LAMB3: variants seen among roughly 807,000 people sequenced by gnomAD.
LAMB3 encodes the protein laminin subunit beta-3.
A neutral mutation model predicts 140.3 loss-of-function variants in LAMB3; 104 were observed. The observed-to-expected ratio is 0.74, with a 90% CI of 0.63 to 0.87. The LOEUF (loss-of-function observed/expected upper bound fraction) is 0.87, where lower values mean the gene tolerates loss of function less well. LAMB3 is among the 40% of genes least tolerant of loss of function. The pLI, the probability that LAMB3 is intolerant of heterozygous loss-of-function variation, is 0.00. For synonymous variants in LAMB3, 592 were observed against 602.9 expected, an observed-to-expected ratio of 0.98 and a Z score of 0.26; for missense variants, 1,531 against 1,575.2, an observed-to-expected ratio of 0.97 and a Z score of 0.47.
chr1:209,632,802 G>A (rs765553073), intron 7 of LAMB3, 26 bp from the exon 8 acceptor site: 6 of 1,604,708 alleles, frequency 3.7e-6, no homozygotes, highest in Admixed American at 1.7e-5. Flanking sequence ...AGCAAGGAGG[G>A]AAGAGTTGGA....
At position 209,615,177 on chromosome 1, in the gene LAMB3, G is replaced by T. The variant is rs1665905688; in HGVS notation, c.*94C>A. The T allele has an allele frequency of 3.2e-6, 5 of 1,540,544 alleles. No homozygotes were observed. The highest frequency in any genetic ancestry group is 4.5e-6 in the Non-Finnish European group (5 of 1,120,632). On this transcript the variant is annotated 3_prime_UTR_variant, in exon 23 of 23. Coordinates refer to ENST00000356082, the MANE Select transcript of LAMB3 (RefSeq NM_000228.3). ...AGGCTGTACTTTAGGCTGCATGAAAGTCTCCTGGAGATGGAAAGCATTCCA... is the reference window on the plus strand; with the variant it reads ...AGGCTGTACTTTAGGCTGCATGAAATTCTCCTGGAGATGGAAAGCATTCCA...
intron 5 of LAMB3, among the ~76,000 whole-genome samples, chr1:209,635,023 C>T (rs188240902): frequency 2.6e-5 from 4 of 152,040 alleles, no homozygotes; most frequent in African/African-American, 9.6e-5. Context: ...AAACCACATT[C>T]CCCACTCACC....
intron 14 of LAMB3, among the ~76,000 whole-genome samples, chr1:209,624,371 T>A (rs145060536): frequency 0.018 from 2,794 of 152,216 alleles, 56 homozygotes; most frequent in South Asian, 0.043. Context: ...AGCTCCAAAA[T>A]CTCTTCCACA....
At position 209,649,956 on chromosome 1, in the gene LAMB3, G is replaced by A. The variant is rs757259426; in HGVS notation, c.183+8C>T. 1.2e-6 allele frequency: 2 copies of A among 1,614,116 alleles called. No homozygotes were observed. The highest frequency in any genetic ancestry group is 1.7e-5 in the Admixed American group (1 of 60,030). On this transcript the variant is annotated splice_region_variant and intron_variant, in intron 3 of 22. Transcript: ENST00000356082. ...CGCCTTCCTCCAGTCCTGGGAAGTA[G>A]GGCCTACCTCGCCATACTGGGTGCA...
At chr1:209,642,974 G>C (rs1456573514) in intron 3 of LAMB3, among the ~76,000 whole-genome samples, 1 of 152,212 alleles carries the variant, frequency 6.6e-6, no homozygotes, top group Non-Finnish European at 1.5e-5. Flanking sequence ...GGCAGGATCA[G>C]ATGGCATCAT....
rs762673892 is a variant in LAMB3 at position 209,623,580 on chromosome 1, G to T, written c.2283C>A (p.Gly761=). The T allele has an allele frequency of 6.2e-7, 1 of 1,614,108 alleles. No homozygotes were observed. Among genetic ancestry groups the T allele is most frequent in the Admixed American group, 1.7e-5 (1 of 60,018 alleles). The change falls in exon 16 of 23, where the codon GGC becomes GGA. Residue 761 remains glycine, a synonymous_variant. Transcript: ENST00000356082. The surrounding 1 kb of genome is among the most constrained non-coding windows in gnomAD (Gnocchi z 4.2). The part of the protein sequence containing the change: ...RLVRQAGGGG[G]TGSPKLVALR... ...GGGCCACAAGCTTGGGGCTGCCGGT[G>T]CCTCCTCCTCCTCCCGCCTGCCGCA...
chr1:209,638,667 G>A lies in LAMB3; in HGVS notation c.184-19C>T. 3.9e-6 allele frequency: 6 copies of A among 1,531,096 alleles called. No homozygotes were observed. The South Asian group carries it at 6.7e-5, about 17-fold the overall frequency. The allele number at this position is 1,531,096 out of a possible 1,614,324, so 94.8% of individuals were successfully genotyped here. ...TCTGCCACTGTGGGAGAGGGAGATA[G>A]CAGACACTCAGAGGTGGGGTCCTGA... On this transcript the variant is annotated intron_variant, in intron 3 of 22. Transcript: ENST00000356082.
Position 209,627,382 on chromosome 1 carries a change from C to T in LAMB3, c.1485+1G>A. 1 of 1,610,530 alleles carries T rather than the reference C, an allele frequency of 6.2e-7. No homozygotes were observed. Among genetic ancestry groups the T allele is most frequent in the African/African-American group, 1.3e-5 (1 of 74,964 alleles). On this transcript the variant is annotated splice_donor_variant, in intron 12 of 22. Coordinates refer to ENST00000356082, the MANE Select transcript of LAMB3 (RefSeq NM_000228.3). LOFTEE classifies it high-confidence loss of function. The stretch of plus-strand genomic sequence containing the variant: ...GCCCCCGGACCACCCTCACTTCGTA[C>T]CTGGTTGCACTGTGGGCTGAGGGAG...
rs533510172 is a variant in LAMB3, at chr1:209,634,443, C to T, written c.564+4G>A. The T allele has an allele frequency of 3.7e-6, 6 of 1,613,890 alleles. No homozygotes were observed. Among genetic ancestry groups the T allele is most frequent in the South Asian group, 2.2e-5 (2 of 91,080 alleles). On this transcript the variant is annotated splice_donor_region_variant and intron_variant, in intron 6 of 22. Coordinates refer to ENST00000356082, the MANE Select transcript of LAMB3 (RefSeq NM_000228.3). ...GCCTACTTTTCAGGATTCCCTCTACCTACCTTCCCCCCATTTAGGCGTGCA... is the reference window on the plus strand; with the variant it reads ...GCCTACTTTTCAGGATTCCCTCTACTTACCTTCCCCCCATTTAGGCGTGCA...
chr1:209,620,214 T>C (rs989298234), intron 18 of LAMB3, among the ~76,000 whole-genome samples: 2 of 151,898 alleles, frequency 1.3e-5, no homozygotes, highest in Admixed American at 6.6e-5. Context: ...ATGGGAGGAG[T>C]TGAGACTGCA....
intron 3 of LAMB3, among the ~76,000 whole-genome samples, chr1:209,639,863 G>A (rs923776108): frequency 1.1e-4 from 17 of 152,162 alleles, no homozygotes; most frequent in African/African-American, 4.1e-4. Context: ...GTCCTTCTGG[G>A]TAGGGAAAAC....
At chr1:209,630,830 C>G (rs759155456) in intron 8 of LAMB3, 95 bp from the exon 9 acceptor site, 75 of 1,425,708 alleles carry the variant, frequency 5.3e-5, no homozygotes, top group Middle Eastern at 4.8e-4. Flanking sequence ...GCGCACCACT[C>G]AGGATCTGGC....
At chr1:209,618,074 G>A in intron 19 of LAMB3, 26 bp from the exon 20 acceptor site, 1 of 1,613,930 alleles carries the variant, frequency 6.2e-7, no homozygotes, top group Admixed American at 1.7e-5. Flanking sequence ...AGCAGGGAGA[G>A]GAGAGAGAGA....
chr1:209,617,888 G>A lies in LAMB3; in HGVS notation c.3051+19C>T, dbSNP rs1666033224. On this transcript the variant is annotated intron_variant, in intron 20 of 22. Coordinates refer to ENST00000356082, the MANE Select transcript of LAMB3 (RefSeq NM_000228.3). ...CTGTTTATGCCCAAATATGGGCGGA[G>A]GAAGCCATAATGCCTCACCTCAGCA... The A allele has an allele frequency of 3.1e-6, 5 of 1,614,156 alleles. No individual in the cohort carries two copies. Among genetic ancestry groups the A allele is most frequent in the East Asian group, 2.2e-5 (1 of 44,872 alleles).
rs372985506 is a variant in LAMB3 at position 209,634,608 on chromosome 1, G to A, written c.403C>T (p.Arg135Cys). ...CAGGTCTTACCGAAGTCTGAGGAGC[G>A]CTCAATCAGCATGCCGGCGGGCATG... ...GPMPAGMLIE[R>C]SSDFGKTWRV... Residue 135 changes from arginine (R) to cysteine (C), a missense_variant, in exon 6 of 23, where the codon CGC (arginine) becomes TGC (cysteine). Coordinates refer to ENST00000356082, the MANE Select transcript of LAMB3 (RefSeq NM_000228.3). The A allele has an allele frequency of 1.2e-5, 19 of 1,613,876 alleles. No individual in the cohort carries two copies. The highest frequency in any genetic ancestry group is 4.4e-5 in the South Asian group (4 of 91,066).
rs142875311 is a variant in LAMB3, at chr1:209,633,473, G to A, written c.565-340C>T. On this transcript the variant is annotated intron_variant, in intron 6 of 22. Coordinates refer to ENST00000356082, the MANE Select transcript of LAMB3 (RefSeq NM_000228.3). ...TACTAATTTTCTGATGACTCAGGAT[G>A]AGTGAGAAATCTAAAACCCAAGGAT... 5.1e-3 allele frequency among the ~76,000 whole-genome samples: 783 copies of A among 152,246 alleles called. 6 individuals carry two copies. The highest frequency in any genetic ancestry group is 0.017 in the African/African-American group (715 of 41,542).
In LAMB3 at chr1:209,617,366, C is replaced by A. The variant is rs562768610; in HGVS notation, c.3228+44G>T. 1.1e-5 allele frequency: 17 copies of A among 1,596,952 alleles called. No individual in the cohort carries two copies. In the South Asian group the frequency reaches 1.8e-4, roughly 17 times the overall value. On this transcript the variant is annotated intron_variant, in intron 21 of 22. Coordinates refer to ENST00000356082, the MANE Select transcript of LAMB3 (RefSeq NM_000228.3). Reference sequence around the variant, plus strand: ...AAAGTCCTCCTCTGCTCAGGACCCCCTCACTGGCCGTACATCATTGAGCTA... The same window carrying A: ...AAAGTCCTCCTCTGCTCAGGACCCCATCACTGGCCGTACATCATTGAGCTA...
chr1:209,648,995 C>T (rs76922702), intron 3 of LAMB3, among the ~76,000 whole-genome samples: 2,486 of 152,228 alleles, frequency 0.016, 38 homozygotes, highest in Non-Finnish European at 0.028. Flanking sequence ...AATGAGCTTC[C>T]CCACATCCAA....
At chr1:209,646,697 G>A (rs903729850) in intron 3 of LAMB3, among the ~76,000 whole-genome samples, 2 of 152,212 alleles carry the variant, frequency 1.3e-5, no homozygotes, top group African/African-American at 4.8e-5. Flanking sequence ...TGCAGATGGG[G>A]CAGCCTCTGC....
Sources: allele counts gnomAD v4.1 joint callset (sites outside exome capture counted in the v4.1 genomes callset), GRCh38; gene constraint gnomAD v4.1.1; non-coding constraint Gnocchi (gnomAD v3.1); transcripts MANE v1.5; gene names NCBI Gene and HGNC (gene_info 2026-07-23, HGNC 2026-07-21).